The following PAFAH1B1 variants were observed in gnomAD, a reference collection of about 807,000 sequenced individuals.
PAFAH1B1 encodes platelet-activating factor acetylhydrolase IB subunit beta.
Under a neutral mutation model 57.5 loss-of-function variants are expected in PAFAH1B1, and 2 were observed. That is an observed-to-expected ratio of 0.03 (90% CI 0.01 to 0.11). The LOEUF is 0.11. PAFAH1B1 is among the 10% of genes least tolerant of loss of function. PAFAH1B1 has a pLI of 1.00. For missense variants in PAFAH1B1, 257 were observed against 512.0 expected (o/e 0.50, Z 4.81); for synonymous variants, 152 against 169.6 (o/e 0.90, Z 0.81).
At chr17:2,681,636 TTTAA>T (rs1162371796) in intron 10 of PAFAH1B1, 89 bp from the exon 11 acceptor site, 1 of 988,788 alleles carries the variant, frequency 1.0e-6, no homozygotes, top group Non-Finnish European at 1.6e-6. Flanking sequence ...TAATTTTTTT[TTTAA>T]TTTTGTATTT....
chr17:2,681,370 T>A (rs9908744), intron 10 of PAFAH1B1: 22,791 of 171,498 alleles, frequency 0.13, 1,914 homozygotes, highest in South Asian at 0.28. Flanking sequence ...ACTAGATACC[T>A]TCTTGGGTTA....
At chr17:2,673,761 G>A in intron 7 of PAFAH1B1, 1 of 381,760 alleles carries the variant, frequency 2.6e-6, no homozygotes, top group Non-Finnish European at 4.9e-6. Context: ...ACTCAGATTA[G>A]TAGAGCATAG....
intron 2 of PAFAH1B1, among the ~76,000 whole-genome samples, chr17:2,643,641 C>A (rs2068726204): frequency 6.6e-6 from 1 of 151,830 alleles, no homozygotes; most frequent in Admixed American, 6.6e-5. Flanking sequence ...CTCCCTGCAA[C>A]CTCTGCCTCC....
intron 9 of PAFAH1B1, among the ~76,000 whole-genome samples, chr17:2,678,092 A>C (rs1205071344): frequency 6.6e-6 from 1 of 151,744 alleles, no homozygotes; most frequent in East Asian, 1.9e-4. Flanking sequence ...CCCCGTCTCT[A>C]CTAAAATTAC....
intron 1 of PAFAH1B1, among the ~76,000 whole-genome samples, chr17:2,613,012 A>G (rs893978125): frequency 5.3e-5 from 8 of 150,144 alleles, no homozygotes; most frequent in African/African-American, 2.0e-4. Context: ...AAATAATTTT[A>G]TAAAATCCAT....
intron 9 of PAFAH1B1, 27 bp from the exon 10 acceptor site, chr17:2,680,137 G>C (rs1403914838): frequency 6.2e-7 from 1 of 1,610,244 alleles, no homozygotes. Flanking sequence ...GCCTTTTACT[G>C]AGTCAAATAA....
At chr17:2,633,667 T>G (rs184532905) in intron 1 of PAFAH1B1, among the ~76,000 whole-genome samples, 77 of 152,328 alleles carry the variant, frequency 5.1e-4, no homozygotes, top group Admixed American at 4.9e-3. Flanking sequence ...ACCATTTTAC[T>G]GAAACCATTC....
At chr17:2,670,377 A>G (rs777061960) in intron 6 of PAFAH1B1, 46 bp downstream of exon 6, 3 of 1,477,480 alleles carry the variant, frequency 2.0e-6, no homozygotes, top group East Asian at 2.3e-5. Flanking sequence ...CTATCATGGT[A>G]CTTCAGAAGG....
chr17:2,622,086 C>T (rs560569553), intron 1 of PAFAH1B1, among the ~76,000 whole-genome samples: 56 of 152,260 alleles, frequency 3.7e-4, no homozygotes, highest in African/African-American at 1.2e-3. Flanking sequence ...CAGTTACCTC[C>T]CCCTGGGTCT....
chr17:2,679,898 C>G, intron 9 of PAFAH1B1: 1 of 455,792 alleles, frequency 2.2e-6, no homozygotes, highest in Non-Finnish European at 4.0e-6. Context: ...TGATAGACTA[C>G]ATATTGAGAT....
intron 2 of PAFAH1B1, among the ~76,000 whole-genome samples, chr17:2,648,355 T>C (rs1399243452): frequency 3.3e-5 from 5 of 151,818 alleles, no homozygotes; most frequent in Non-Finnish European, 2.9e-5. Flanking sequence ...GTATAATTTT[T>C]CCCGTGATTA....
At chr17:2,638,072 C>CTTTTT in intron 1 of PAFAH1B1, 27 bp from the exon 2 acceptor site, 1 of 480,930 alleles carries the variant, frequency 2.1e-6, no homozygotes, top group African/African-American at 2.0e-5. Flanking sequence ...GTGAAATAAT[C>CTTTTT]TTTTTTTTTC....
At chr17:2,677,213 G>A (rs1179172926) in intron 9 of PAFAH1B1, among the ~76,000 whole-genome samples, 1 of 152,196 alleles carries the variant, frequency 6.6e-6, no homozygotes, top group Admixed American at 6.6e-5. Context: ...AGCATTCTTA[G>A]AGACCTGTTC....
chr17:2,674,872 G>A (rs930279916), intron 8 of PAFAH1B1, among the ~76,000 whole-genome samples: 5 of 152,174 alleles, frequency 3.3e-5, no homozygotes, highest in Non-Finnish European at 5.9e-5. Context: ...AGGTACAGCG[G>A]CACATGGCTA....
rs2069392540 is a variant in PAFAH1B1, at chr17:2,682,087, C to T, written c.*285C>T. The T allele has an allele frequency of 5.7e-6, 2 of 348,180 alleles. No homozygotes were observed. The highest frequency in any genetic ancestry group is 5.3e-6 in the Non-Finnish European group (1 of 190,202). 21.6% of individuals were successfully genotyped at this position (348,180 alleles called of 1,614,324 possible). A position where few individuals can be genotyped will look rare whatever the true frequency, so the allele number is the denominator to read the frequency against. On this transcript the variant is annotated 3_prime_UTR_variant, in exon 11 of 11. Transcript: ENST00000397195. ...GAAGGCAGAAGTTGAATCAATTGAA[C>T]TAGGGCACTAAACTGAATAGTTGAC...
chr17:2,672,086 T>TA (rs979217229), intron 6 of PAFAH1B1, among the ~76,000 whole-genome samples: 1 of 151,826 alleles, frequency 6.6e-6, no homozygotes, highest in Non-Finnish European at 1.5e-5. Flanking sequence ...GTGAGCAAAA[T>TA]ATGGAGACCT....
rs1328217150 is a variant in PAFAH1B1, at chr17:2,593,673, G to GGGC, written c.-515_-513dup. ...TGTGACAGACGGAGCTGGAGCGGCG[G>GGGC]GGCGGCGGCGGAGTCCGGCGGCCGG... is the stretch of plus-strand genomic sequence containing the variant. On this transcript the variant is annotated 5_prime_UTR_variant, in exon 1 of 11. Transcript: ENST00000397195. The GGGC allele has an allele frequency of 3.4e-6, 1 of 295,728 alleles. No individual in the cohort carries two copies. The highest frequency in any genetic ancestry group is 6.1e-6 in the Non-Finnish European group (1 of 162,610). 18.3% of individuals were successfully genotyped at this position (295,728 alleles called of 1,614,324 possible).
intron 2 of PAFAH1B1, among the ~76,000 whole-genome samples, chr17:2,647,742 C>T (rs1489996340): frequency 6.6e-6 from 1 of 151,990 alleles, no homozygotes; most frequent in South Asian, 2.1e-4. Context: ...AGGTGGCTCA[C>T]GCCTGTAATC....
chr17:2,595,551 T>C (rs2068076475), intron 1 of PAFAH1B1, among the ~76,000 whole-genome samples: 1 of 151,884 alleles, frequency 6.6e-6, no homozygotes, highest in Non-Finnish European at 1.5e-5. Context: ...ACTTAAAAAA[T>C]TCTGATTTGG....
Sources: allele counts gnomAD v4.1 joint callset (sites outside exome capture counted in the v4.1 genomes callset), GRCh38; gene constraint gnomAD v4.1.1; transcripts MANE v1.5; gene names NCBI Gene and HGNC (gene_info 2026-07-23, HGNC 2026-07-21).